The following TRIM5 variants were observed in gnomAD, a reference collection of about 807,000 sequenced individuals.
The protein encoded by TRIM5 is tripartite motif containing 5.
TRIM5 carries 31 observed loss-of-function variants against 35.6 expected under a neutral mutation model. The ratio of observed to expected loss-of-function variants is 0.87; its 90% CI spans 0.65 to 1.18. TRIM5 has a LOEUF of 1.18. Ranked by LOEUF, TRIM5 falls within the 50% of genes most tolerant of loss-of-function variation. TRIM5 has a pLI of 0.00. For synonymous variants in TRIM5, 243 were observed against 215.6 expected, an observed-to-expected ratio of 1.13 and a Z score of -1.11; for missense variants, 609 against 591.6, an observed-to-expected ratio of 1.03 and a Z score of -0.31.
chr11:5,615,252 T>A, the TRIM5 span, among the ~76,000 whole-genome samples: 2 of 152,232 alleles, frequency 1.3e-5, no homozygotes, highest in Non-Finnish European at 2.9e-5. Context: ...TCTGTGGTCC[T>A]GGGGTACAGT....
the TRIM5 span, among the ~76,000 whole-genome samples, chr11:5,606,881 A>T: frequency 2.0e-5 from 3 of 152,084 alleles, no homozygotes; most frequent in Admixed American, 6.5e-5. Flanking sequence ...TCTCTTTTCC[A>T]TATCTGTGTG....
the TRIM5 span, among the ~76,000 whole-genome samples, chr11:5,616,321 CA>C: frequency 6.9e-6 from 1 of 144,384 alleles, no homozygotes; most frequent in Non-Finnish European, 1.5e-5. Context: ...AACACTGTCT[CA>C]AAAAAAAGAA....
At chr11:5,602,153 A>G in the TRIM5 span, among the ~76,000 whole-genome samples, 1 of 152,226 alleles carries the variant, frequency 6.6e-6, no homozygotes, top group Admixed American at 6.5e-5. Context: ...TGTAAGAAGT[A>G]AAATAGACCG....
the TRIM5 span, chr11:5,643,144 T>G: frequency 1.4e-6 from 2 of 1,453,366 alleles, no homozygotes; most frequent in Non-Finnish European, 1.8e-6. Flanking sequence ...TTTCTTGCAG[T>G]GGATGTCACA....
chr11:5,632,446 A>C, the TRIM5 span: 1 of 1,614,092 alleles, frequency 6.2e-7, no homozygotes, highest in Non-Finnish European at 8.5e-7. Flanking sequence ...CCGAGCCTGC[A>C]TCACTGTGAG....
At chr11:5,658,308 A>G (rs1256539375), downstream of TRIM5, among the ~76,000 whole-genome samples, 3 of 152,196 alleles carry the variant, frequency 2.0e-5, no homozygotes, top group Non-Finnish European at 2.9e-5. Context: ...TGGGTGGCCC[A>G]ACTCCAGGGA....
the TRIM5 span, among the ~76,000 whole-genome samples, chr11:5,633,146 CTTTT>C: frequency 3.2e-3 from 341 of 106,800 alleles, 1 homozygote; most frequent in Non-Finnish European, 5.4e-3. Context: ...CCTTTTCTTT[CTTTT>C]TTTTTTTTTT....
chr11:5,596,103 T>TC, the TRIM5 span: 3 of 152,256 alleles, frequency 2.0e-5, no homozygotes, highest in Non-Finnish European at 4.4e-5. Context: ...CCCCGCCCCT[T>TC]CCCCCCTGAG....
At chr11:5,600,745 C>T in the TRIM5 span, among the ~76,000 whole-genome samples, 2 of 152,064 alleles carry the variant, frequency 1.3e-5, no homozygotes, top group African/African-American at 4.8e-5. Context: ...CAGCCAAAGA[C>T]AAGTTAGAGA....
chr11:5,631,453 A>G, the TRIM5 span, among the ~76,000 whole-genome samples: 1 of 152,220 alleles, frequency 6.6e-6, no homozygotes, highest in Non-Finnish European at 1.5e-5. Context: ...ATTCATCTGA[A>G]GAAAGGGAGT....
At chr11:5,661,542 T>G (rs959264719), downstream of TRIM5, among the ~76,000 whole-genome samples, 12 of 152,302 alleles carry the variant, frequency 7.9e-5, no homozygotes, top group African/African-American at 2.9e-4. Context: ...CTCCCCAGAT[T>G]GTACCAAAAT....
chr11:5,618,106 C>G, the TRIM5 span, among the ~76,000 whole-genome samples: 7 of 152,222 alleles, frequency 4.6e-5, no homozygotes, highest in Non-Finnish European at 1.0e-4. Context: ...CAAGTTACAA[C>G]AGCAGTGTTG....
the TRIM5 span, among the ~76,000 whole-genome samples, chr11:5,650,624 G>C: frequency 6.6e-6 from 1 of 152,206 alleles, no homozygotes; most frequent in African/African-American, 2.4e-5. Flanking sequence ...TGTGTGACTT[G>C]TATTTTGTTT....
chr11:5,614,024 G>A, the TRIM5 span, among the ~76,000 whole-genome samples: 1 of 152,168 alleles, frequency 6.6e-6, no homozygotes, highest in Non-Finnish European at 1.5e-5. Context: ...CCTGGGGAAG[G>A]TTGCTCAATC....
the TRIM5 span, among the ~76,000 whole-genome samples, chr11:5,606,950 T>G: frequency 6.6e-6 from 1 of 152,208 alleles, no homozygotes; most frequent in South Asian, 2.1e-4. Flanking sequence ...ACGCCTGTAA[T>G]CCCAGCACTT....
At chr11:5,676,639 C>G (rs1404588130) in intron 4 of TRIM5, among the ~76,000 whole-genome samples, 1 of 150,692 alleles carries the variant, frequency 6.6e-6, no homozygotes, top group Non-Finnish European at 1.5e-5. Context: ...GAGCCCGCAT[C>G]ACCAAGGCAA....
At chr11:5,600,775 C>A in the TRIM5 span, among the ~76,000 whole-genome samples, 3 of 152,112 alleles carry the variant, frequency 2.0e-5, no homozygotes, top group Admixed American at 2.0e-4. Context: ...GCTCCCTACG[C>A]ACTGTGGCCT....
the TRIM5 span, among the ~76,000 whole-genome samples, chr11:5,640,204 G>A: frequency 1.5e-3 from 223 of 152,138 alleles, 2 homozygotes; most frequent in South Asian, 0.039. Context: ...TCTGATCTTC[G>A]GGAAAAAGCA....
the TRIM5 span, among the ~76,000 whole-genome samples, chr11:5,645,369 G>A: frequency 7.4e-6 from 1 of 135,716 alleles, no homozygotes; most frequent in Non-Finnish European, 1.6e-5. Flanking sequence ...TCCAGCCTGG[G>A]CAACAAGAGC....
Sources: gnomAD v4.1 joint callset for allele counts (sites outside exome capture counted in the v4.1 genomes callset) on GRCh38, gnomAD v4.1.1 for gene constraint, MANE v1.5 for transcripts, NCBI Gene and HGNC (gene_info 2026-07-23, HGNC 2026-07-21) for gene names.